Variants in ZNF30 observed in about 807,000 individuals in gnomAD.
ZNF30 encodes the protein zinc finger protein 30 (KOX 28).
Under a neutral mutation model 13.2 loss-of-function variants are expected in ZNF30, and 15 were observed. That is an observed-to-expected ratio of 1.13 (90% CI 0.76 to 1.75). The LOEUF is 1.75. ZNF30 is among the 40% of genes most tolerant of loss of function. The probability of loss-of-function intolerance (pLI) is 0.00; values close to 1 mark genes in which losing one functional copy is unlikely to be tolerated. For missense variants in ZNF30, 726 were observed against 757.0 expected (o/e 0.96, Z 0.48); for synonymous variants, 223 against 256.6 (o/e 0.87, Z 1.25).
rs577093493 is a variant in ZNF30 at position 34,940,550 on chromosome 19, C to G, written c.257-2673C>G. Among the ~76,000 whole-genome samples, 21 of 151,548 alleles carry G rather than the reference C, an allele frequency of 1.4e-4. No homozygotes were observed. The East Asian group carries it at 4.1e-3, about 29-fold the overall frequency. On this transcript the variant is annotated intron_variant, in intron 4 of 4. Coordinates refer to ENST00000601142, the MANE Select transcript of ZNF30 (RefSeq NM_194325.3). ...GGGTATGGTGGTGCACATCTGTAAT[C>G]CCAGCTACTCAGGAGGCTGAGGCAG...
intron 4 of ZNF30, among the ~76,000 whole-genome samples, chr19:34,934,820 C>T (rs2012635932): frequency 6.6e-6 from 1 of 152,106 alleles, no homozygotes; most frequent in Non-Finnish European, 1.5e-5. Context: ...GAACACAGGG[C>T]TTAAAACCTA....
chr19:34,942,515 AAGACATGGACGTCCTT>A, intron 4 of ZNF30: 3 of 579,638 alleles, frequency 5.2e-6, no homozygotes, highest in Non-Finnish European at 7.5e-6. Flanking sequence ...CTAGAAAGTA[AAGACATGGACGTCCTT>A]AGACAAAGTT....
intron 3 of ZNF30, among the ~76,000 whole-genome samples, chr19:34,933,073 C>T (rs1418454555): frequency 1.4e-5 from 2 of 143,202 alleles, no homozygotes; most frequent in Non-Finnish European, 1.6e-5. Flanking sequence ...AGCCACCGGG[C>T]CTGGTTTTTT....
At chr19:34,924,048 G>A (rs2011988560), upstream of ZNF30, among the ~76,000 whole-genome samples, 1 of 152,142 alleles carries the variant, frequency 6.6e-6, no homozygotes, top group African/African-American at 2.4e-5. Flanking sequence ...GATTCCAGCT[G>A]TAGGGTTTGT....
At position 34,944,046 on chromosome 19, in the gene ZNF30, TGCACATCA is replaced by T. The variant is rs745349475; in HGVS notation, c.1083_1090del (p.His362AsnfsTer37). The T allele has an allele frequency of 2.7e-5, 43 of 1,613,910 alleles. 1 individual carries two copies. In the South Asian group the frequency reaches 4.5e-4, roughly 17 times the overall value. On this transcript the variant is annotated frameshift_variant, in exon 5 of 5. Transcript: ENST00000601142. LOFTEE classifies it low-confidence loss of function (END_TRUNC). ...CCTTTAGACTTAGTTCCTTCCTTCATGCACATCAGCGAATTCATGCAGAGATAAAGCCC... is the reference window on the plus strand; with the variant it reads ...CCTTTAGACTTAGTTCCTTCCTTCATGCGAATTCATGCAGAGATAAAGCCC...
chr19:34,925,322 G>A (rs1341614768), upstream of ZNF30, among the ~76,000 whole-genome samples: 1 of 152,224 alleles, frequency 6.6e-6, no homozygotes, highest in African/African-American at 2.4e-5. Flanking sequence ...GATCACACAT[G>A]GGCTTGGAGG....
chr19:34,944,473 A>G lies in ZNF30; in HGVS notation c.1507A>G (p.Ser503Gly). The change falls in exon 5 of 5, where the codon AGC becomes GGC. Residue 503 changes from serine (S) to glycine (G), a missense_variant. Physicochemically the swap from Ser to Gly is moderately conservative, Grantham distance 56. Coordinates refer to ENST00000601142, the MANE Select transcript of ZNF30 (RefSeq NM_194325.3). ...TCGAGCCTCGTACCTTGTACAACAT[A>G]GCAGAATCCATACTGGTAAGAAGCC... Reference protein sequence around the residue: ...FSRASYLVQHSRIHTGKKPYE... With the variant: ...FSRASYLVQHGRIHTGKKPYE... 6.2e-7 allele frequency: 1 copy of G among 1,612,066 alleles called. No homozygotes were observed. Among genetic ancestry groups the G allele is most frequent in the South Asian group, 1.1e-5 (1 of 90,982 alleles).
chr19:34,930,339 A>G (rs950098925), intron 2 of ZNF30, among the ~76,000 whole-genome samples: 1 of 152,154 alleles, frequency 6.6e-6, no homozygotes, highest in Non-Finnish European at 1.5e-5. Flanking sequence ...AGCTGATAAG[A>G]TGGAATTTTG....
chr19:34,941,703 A>G (rs771332103), intron 4 of ZNF30, among the ~76,000 whole-genome samples: 4 of 152,222 alleles, frequency 2.6e-5, no homozygotes, highest in Non-Finnish European at 5.9e-5. Context: ...AAAGGCAGGT[A>G]TTGAGTTCAG....
intron 4 of ZNF30, among the ~76,000 whole-genome samples, 152 bp from the exon 5 acceptor site, chr19:34,943,071 G>T (rs570951561): frequency 7.0e-6 from 1 of 142,306 alleles, no homozygotes; most frequent in African/African-American, 2.7e-5. Context: ...GTTAATCTCT[G>T]CATTCCTTTT....
At chr19:34,940,213 A>G (rs1388906226) in intron 4 of ZNF30, among the ~76,000 whole-genome samples, 2 of 151,988 alleles carry the variant, frequency 1.3e-5, no homozygotes, top group African/African-American at 4.8e-5. Context: ...GAGATAGGGG[A>G]TTTCGTTGAT....
chr19:34,940,182 G>T (rs953240136), intron 4 of ZNF30, among the ~76,000 whole-genome samples: 1 of 152,068 alleles, frequency 6.6e-6, no homozygotes, highest in Non-Finnish European at 1.5e-5. Context: ...AGGTATGCTG[G>T]TCTCAGTTTT....
In ZNF30 at chr19:34,928,208, T is replaced by TAAA. The variant is rs386388919; in HGVS notation, c.-65+1003_-65+1005dup. On this transcript the variant is annotated intron_variant, in intron 1 of 4. Transcript: ENST00000601142. ...GGGCGACAGAGCGAGATCCCTTCTC[T>TAAA]AAAAAAAAAAAAATATATATATATA... Among the ~76,000 whole-genome samples the TAAA allele has an allele frequency of 7.7e-3, 539 of 69,920 alleles. 2 individuals are homozygous for TAAA. Among genetic ancestry groups the TAAA allele is most frequent in the African/African-American group, 0.013 (238 of 18,684 alleles). The allele number at this position is 69,920 out of a possible 152,430, so 45.9% of individuals were successfully genotyped here. A position where few individuals can be genotyped will look rare whatever the true frequency, so the allele number is the denominator to read the frequency against.
In ZNF30 at chr19:34,943,672, G is replaced by A; in HGVS notation, c.706G>A (p.Glu236Lys). The A allele has an allele frequency of 6.2e-7, 1 of 1,613,586 alleles. No individual in the cohort carries two copies. Among genetic ancestry groups the A allele is most frequent in the Non-Finnish European group, 8.5e-7 (1 of 1,179,708 alleles). ...HTGKKPYECGECGKAFLVYGK... is the reference protein window; with the variant it reads ...HTGKKPYECGKCGKAFLVYGK... ...TGGGAAGAAACCATATGAGTGCGGG[G>A]AATGTGGGAAAGCTTTTCTAGTATA... The change falls in exon 5 of 5, where the codon GAA becomes AAA. Residue 236 changes from glutamate to lysine, a missense_variant. Physicochemically the swap from Glu to Lys is moderately conservative, Grantham distance 56. Transcript: ENST00000601142.
At chr19:34,939,178 C>G (rs1395624272) in intron 4 of ZNF30, among the ~76,000 whole-genome samples, 1 of 131,244 alleles carries the variant, frequency 7.6e-6, no homozygotes, top group African/African-American at 3.1e-5. Context: ...CGCTCCCCTC[C>G]CTCCCCTATC....
intron 2 of ZNF30, among the ~76,000 whole-genome samples, chr19:34,931,333 CTTTTA>C (rs2012442452): frequency 6.6e-6 from 1 of 152,132 alleles, no homozygotes; most frequent in Admixed American, 6.5e-5. Flanking sequence ...CACAAGATAA[CTTTTA>C]TGTCACTTTG....
rs375315626 is a variant in ZNF30, at chr19:34,943,817, G to C, written c.851G>C (p.Ser284Thr). The C allele has an allele frequency of 1.2e-4, 187 of 1,614,036 alleles. No homozygotes were observed. The African/African-American group carries it at 2.0e-3, about 18-fold the overall frequency. Reference sequence around the variant, plus strand: ...GTTCAACATCAGCGAATTCATACCAGTGAAAAACCTTACGAATGCAAAGAA... The same window carrying C: ...GTTCAACATCAGCGAATTCATACCACTGAAAAACCTTACGAATGCAAAGAA... Reference protein sequence around the residue: ...YLVQHQRIHTSEKPYECKECG... With the variant: ...YLVQHQRIHTTEKPYECKECG... Residue 284 changes from serine to threonine, a missense_variant, in exon 5 of 5, where the codon AGT (serine) becomes ACT (threonine). Transcript: ENST00000601142.
chr19:34,935,092 G>A (rs10417899), intron 4 of ZNF30, among the ~76,000 whole-genome samples: 65,040 of 151,320 alleles, frequency 0.43, 15,446 homozygotes, highest in African/African-American at 0.65. Context: ...TTGGCCAGGC[G>A]TGGTGGCGGG....
intron 4 of ZNF30, among the ~76,000 whole-genome samples, chr19:34,935,674 T>C (rs1273718438): frequency 2.0e-5 from 3 of 151,370 alleles, no homozygotes; most frequent in Non-Finnish European, 4.4e-5. Flanking sequence ...CCTCTTCATG[T>C]AGTTTTGTTG....
Sources: allele counts gnomAD v4.1 joint callset (sites outside exome capture counted in the v4.1 genomes callset), GRCh38; gene constraint gnomAD v4.1.1; transcripts MANE v1.5; gene names NCBI Gene and HGNC (gene_info 2026-07-23, HGNC 2026-07-21).